Variants in BICDL1 observed in about 807,000 individuals in gnomAD.
BICDL1 encodes the protein BICD family-like cargo adapter 1.
BICDL1 carries 20 observed loss-of-function variants against 76.8 expected under a neutral mutation model. That is an observed-to-expected ratio of 0.26 (90% CI 0.18 to 0.38). The LOEUF (loss-of-function observed/expected upper bound fraction) is 0.38, where lower values mean the gene tolerates loss of function less well. BICDL1 is among the 10% of genes least tolerant of loss of function. BICDL1 has a pLI of 1.00. For missense variants in BICDL1, 700 were observed against 798.6 expected, an observed-to-expected ratio of 0.88 and a Z score of 1.49; for synonymous variants, 383 against 337.1, an observed-to-expected ratio of 1.14 and a Z score of -1.49.
intron 2 of BICDL1, among the ~76,000 whole-genome samples, chr12:120,012,941 C>T (rs764046036): frequency 1.2e-4 from 18 of 152,200 alleles, no homozygotes; most frequent in Admixed American, 1.3e-4. Flanking sequence ...CATGGAATAT[C>T]ATTATCCTTT....
At chr12:120,028,604 AG>A (rs201776857) in intron 2 of BICDL1, among the ~76,000 whole-genome samples, 3,532 of 152,290 alleles carry the variant, frequency 0.023, 146 homozygotes, top group African/African-American at 0.081. Context: ...TGAACCCAGA[AG>A]GTGGAGGTTG....
intron 6 of BICDL1, among the ~76,000 whole-genome samples, 158 bp downstream of exon 6, chr12:120,072,887 T>C (rs1039070307): frequency 2.0e-5 from 3 of 152,200 alleles, no homozygotes; most frequent in Non-Finnish European, 4.4e-5. Context: ...GATTTTGTTT[T>C]TGAGACAGAG....
rs568823417 is a variant in BICDL1, at chr12:120,073,665, G to A, written c.1309-778G>A. ...CTTTTTGGCTATTATTTCTCCTCACGTTTCATCCTCCTACAGAAAACTTGT... is the reference window on the plus strand; with the variant it reads ...CTTTTTGGCTATTATTTCTCCTCACATTTCATCCTCCTACAGAAAACTTGT... On this transcript the variant is annotated intron_variant, in intron 6 of 9. Coordinates refer to ENST00000548673, the MANE Select transcript of BICDL1 (RefSeq NM_001367886.1). Among the ~76,000 whole-genome samples the A allele has an allele frequency of 1.3e-3, 198 of 152,200 alleles. 2 individuals carry two copies. The South Asian group carries it at 0.029, about 22-fold the overall frequency.
chr12:120,049,799 A>G (rs1952818208), intron 2 of BICDL1, among the ~76,000 whole-genome samples: 1 of 152,070 alleles, frequency 6.6e-6, no homozygotes, highest in Non-Finnish European at 1.5e-5. Flanking sequence ...CCTTCTGACT[A>G]GTCTTCCAAT....
chr12:120,020,720 A>T (rs1473070163), intron 2 of BICDL1, among the ~76,000 whole-genome samples: 2 of 152,230 alleles, frequency 1.3e-5, no homozygotes, highest in Non-Finnish European at 2.9e-5. Flanking sequence ...AGAACTGGAC[A>T]TATCATCCCA....
rs1341402470 is a variant in BICDL1 at position 120,071,347 on chromosome 12, G to A, written c.910-275G>A. Among the ~76,000 whole-genome samples the A allele has an allele frequency of 6.6e-6, 1 of 151,832 alleles. No individual in the cohort carries two copies. On this transcript the variant is annotated intron_variant, in intron 4 of 9. Transcript: ENST00000548673. This position sits in a 1 kb window ranked among gnomAD's most constrained non-coding sequence, Gnocchi z 4.8. ...AGTAGAGGCAGGGTTTCATCATGTT[G>A]GCCAGGCTGGTCTCATACTCCTGAC...
intron 2 of BICDL1, among the ~76,000 whole-genome samples, chr12:120,033,024 C>A (rs188795379): frequency 1.3e-5 from 2 of 152,092 alleles, no homozygotes; most frequent in Admixed American, 1.3e-4. Flanking sequence ...GGATTACAGG[C>A]GTGAGCCACC....
chr12:119,992,602 C>T (rs1410116869), intron 1 of BICDL1: 1 of 152,280 alleles, frequency 6.6e-6, no homozygotes, highest in Admixed American at 6.5e-5. Context: ...CAAGGCTGGT[C>T]TCAAACTACG....
chr12:120,020,390 T>G (rs1952154627), intron 2 of BICDL1, among the ~76,000 whole-genome samples: 1 of 152,046 alleles, frequency 6.6e-6, no homozygotes, highest in Non-Finnish European at 1.5e-5. Flanking sequence ...AACGTCAGAG[T>G]CTGTTATATT....
intron 1 of BICDL1, among the ~76,000 whole-genome samples, chr12:119,991,986 G>C (rs1011251472): frequency 6.6e-6 from 1 of 152,120 alleles, no homozygotes; most frequent in Non-Finnish European, 1.5e-5. Context: ...TTCCTCTGCA[G>C]GTCAGCATAT....
intron 2 of BICDL1, among the ~76,000 whole-genome samples, chr12:120,030,573 G>A (rs1263532448): frequency 1.3e-5 from 2 of 152,184 alleles, no homozygotes; most frequent in African/African-American, 2.4e-5. Context: ...TTTTACAAAA[G>A]AGGAACCTCA....
chr12:120,060,011 C>T (rs1953070030), intron 2 of BICDL1, among the ~76,000 whole-genome samples: 1 of 152,238 alleles, frequency 6.6e-6, no homozygotes, highest in African/African-American at 2.4e-5. Flanking sequence ...GCGTACCCAA[C>T]CCAGCCCAAA....
intron 2 of BICDL1, among the ~76,000 whole-genome samples, chr12:120,057,639 G>A (rs1421237139): frequency 6.6e-6 from 1 of 152,082 alleles, no homozygotes; most frequent in East Asian, 1.9e-4. Context: ...AGGTGCATTA[G>A]CTCCTTGCAA....
Position 120,072,557 on chromosome 12 carries a change from G to T in BICDL1, c.1136G>T (p.Cys379Phe), listed in dbSNP as rs1162934348. Residue 379 changes from cysteine to phenylalanine, a missense_variant, in exon 6 of 10, where the codon TGC (cysteine) becomes TTC (phenylalanine). Around this residue, in one of 3 missense-constraint regions of BICDL1, gnomAD observed 455 missense variants for 548.7 expected, o/e 0.83. Coordinates refer to ENST00000548673, the MANE Select transcript of BICDL1 (RefSeq NM_001367886.1). ...WEAYCQVRYL[C>F]SHLRGNDSAD... ...GCCTACTGCCAGGTTCGCTATCTGT[G>T]CTCACACCTTCGAGGCAATGACAGT... The T allele has an allele frequency of 1.2e-6, 2 of 1,614,180 alleles. No homozygotes were observed. The highest frequency in any genetic ancestry group is 2.7e-5 in the African/African-American group (2 of 75,050).
intron 1 of BICDL1, among the ~76,000 whole-genome samples, chr12:119,996,072 C>T (rs960267532): frequency 2.0e-5 from 3 of 151,924 alleles, no homozygotes; most frequent in African/African-American, 7.3e-5. Context: ...ATGAGAAGGC[C>T]CTCCCTTGTC....
At chr12:120,052,436 T>C (rs1018183611) in intron 2 of BICDL1, among the ~76,000 whole-genome samples, 1 of 152,184 alleles carries the variant, frequency 6.6e-6, no homozygotes, top group African/African-American at 2.4e-5. Context: ...AATTATTTGG[T>C]ACAAAGTCAT....
chr12:120,081,038 T>A (rs769959893), intron 8 of BICDL1, 21 bp downstream of exon 8: 10 of 1,610,086 alleles, frequency 6.2e-6, no homozygotes, highest in Admixed American at 1.7e-5. Flanking sequence ...ATGGCTTCAC[T>A]TTATTCTTAA....
At chr12:120,066,338 G>A (rs1433532678) in intron 4 of BICDL1, among the ~76,000 whole-genome samples, 1 of 152,312 alleles carries the variant, frequency 6.6e-6, no homozygotes, top group East Asian at 1.9e-4. Flanking sequence ...TACAGTATGG[G>A]AGGAGAAGGA....
At position 120,027,090 on chromosome 12, in the gene BICDL1, G is replaced by A. The variant is rs560650709; in HGVS notation, c.645+28354G>A. 8.0e-5 allele frequency among the ~76,000 whole-genome samples: 12 copies of A among 149,626 alleles called. No homozygotes were observed. In the South Asian group the frequency reaches 1.1e-3, roughly 13 times the overall value. ...CTGTCGCCTGGGCTGGAGTGCAATGGCGCAATCTCGGCTCACTGCAACCTC... is the reference window on the plus strand; with the variant it reads ...CTGTCGCCTGGGCTGGAGTGCAATGACGCAATCTCGGCTCACTGCAACCTC... On this transcript the variant is annotated intron_variant, in intron 2 of 9. Transcript: ENST00000548673.
Sources: allele counts gnomAD v4.1 joint callset (sites outside exome capture counted in the v4.1 genomes callset), GRCh38; gene constraint gnomAD v4.1.1; regional missense constraint gnomAD v4.1.1; non-coding constraint Gnocchi (gnomAD v3.1); transcripts MANE v1.5; gene names NCBI Gene and HGNC (gene_info 2026-07-23, HGNC 2026-07-21).